Variants in RNF152 observed in about 807,000 individuals in gnomAD.
RNF152 encodes E3 ubiquitin-protein ligase RNF152.
A neutral mutation model predicts 12.7 loss-of-function variants in RNF152; 11 were observed. The ratio of observed to expected loss-of-function variants is 0.86; its 90% CI spans 0.54 to 1.43. The LOEUF (loss-of-function observed/expected upper bound fraction) is 1.43, where lower values mean the gene tolerates loss of function less well. RNF152 is among the 40% of genes most tolerant of loss of function. The pLI is 0.00. For missense variants in RNF152, 255 were observed against 274.8 expected (o/e 0.93, Z 0.51); for synonymous variants, 113 against 120.3 (o/e 0.94, Z 0.40).
In RNF152 at chr18:61,816,232, C is replaced by A; in HGVS notation, c.232G>T (p.Val78Phe). 1 of 1,614,222 alleles carries A rather than the reference C, an allele frequency of 6.2e-7. No individual in the cohort carries two copies. The highest frequency in any genetic ancestry group is 8.5e-7 in the Non-Finnish European group (1 of 1,180,034). ...TCGGAAGTGTGTGGAATGGCGATGA[C>A]AGCCAGGACCTCCGGGTCGTCCGGG... ...QLPDDPEVLAVIAIPHTSEHT... is the reference protein window; with the variant it reads ...QLPDDPEVLAFIAIPHTSEHT... Residue 78 changes from valine to phenylalanine, a missense_variant, in exon 2 of 2, where the codon GTC becomes TTC. By Grantham distance (50) the Val-to-Phe change is conservative. Coordinates refer to ENST00000312828, the MANE Select transcript of RNF152 (RefSeq NM_173557.3).
intron 1 of RNF152, among the ~76,000 whole-genome samples, chr18:61,891,603 T>C (rs1599334249): frequency 6.6e-6 from 1 of 152,316 alleles, no homozygotes; most frequent in East Asian, 1.9e-4. Context: ...CATCTGATCT[T>C]TGCAAAGCAC....
At chr18:61,875,327 T>G (rs1201409234) in intron 1 of RNF152, among the ~76,000 whole-genome samples, 1 of 152,240 alleles carries the variant, frequency 6.6e-6, no homozygotes, top group Non-Finnish European at 1.5e-5. Context: ...TAAATCCAGT[T>G]GAAATCATAA....
chr18:61,861,775 A>G (rs1911496878), intron 1 of RNF152, among the ~76,000 whole-genome samples: 1 of 152,138 alleles, frequency 6.6e-6, no homozygotes, highest in South Asian at 2.1e-4. Flanking sequence ...GTGAGAGAGG[A>G]AGCAAGGGTG....
chr18:61,821,488 T>A (rs1298077459), intron 1 of RNF152, among the ~76,000 whole-genome samples: 1 of 152,236 alleles, frequency 6.6e-6, no homozygotes, highest in Non-Finnish European at 1.5e-5. Flanking sequence ...GATGGATCAT[T>A]CTTTCCCCCT....
upstream of RNF152, chr18:61,894,079 C>T (rs8096049): frequency 0.66 from 100,768 of 151,986 alleles, 34,343 homozygotes; most frequent in African/African-American, 0.82. This position sits in a 1 kb window ranked among gnomAD's most constrained non-coding sequence, Gnocchi z 4.9. Flanking sequence ...GCGCAGACAT[C>T]CCTGCGCACC....
chr18:61,882,115 G>T (rs1912490511), intron 1 of RNF152, among the ~76,000 whole-genome samples: 2 of 152,310 alleles, frequency 1.3e-5, no homozygotes, highest in South Asian at 4.1e-4. Context: ...AATTCTCATT[G>T]GAGAATTTTG....
chr18:61,873,429 C>A (rs1017129250), intron 1 of RNF152, among the ~76,000 whole-genome samples: 2 of 152,190 alleles, frequency 1.3e-5, no homozygotes, highest in African/African-American at 4.8e-5. Context: ...CCTCTGCCTC[C>A]TGGGTTCAAG....
In RNF152 at chr18:61,809,854, C is replaced by T. The variant is rs988228533; in HGVS notation, c.*5998G>A. Reference sequence around the variant, plus strand: ...AGTGGGATACCCCAGGCAGTGAATCCTGAAAAAAAAAAAAAAAAAAAAAGT... The same window carrying T: ...AGTGGGATACCCCAGGCAGTGAATCTTGAAAAAAAAAAAAAAAAAAAAAGT... On this transcript the variant is annotated 3_prime_UTR_variant, in exon 2 of 2. Transcript: ENST00000312828. 2.1e-5 allele frequency: 2 copies of T among 96,092 alleles called. No individual in the cohort carries two copies. Among genetic ancestry groups the T allele is most frequent in the African/African-American group, 8.4e-5 (2 of 23,768 alleles). The allele number at this position is 96,092 out of a possible 1,614,324, so 6.0% of individuals were successfully genotyped here. A position where few individuals can be genotyped will look rare whatever the true frequency, so the allele number is the denominator to read the frequency against.
At chr18:61,879,625 A>G (rs1912370005) in intron 1 of RNF152, among the ~76,000 whole-genome samples, 1 of 152,170 alleles carries the variant, frequency 6.6e-6, no homozygotes, top group Non-Finnish European at 1.5e-5. Context: ...ACTTTCTGGT[A>G]TGGGGTCAGG....
At chr18:61,853,360 G>A (rs1388786450) in intron 1 of RNF152, among the ~76,000 whole-genome samples, 3 of 145,450 alleles carry the variant, frequency 2.1e-5, no homozygotes, top group African/African-American at 7.6e-5. Flanking sequence ...CACGATCACA[G>A]CTCACTGCAA....
chr18:61,851,090 TAA>T (rs529714042), intron 1 of RNF152, among the ~76,000 whole-genome samples: 8 of 126,342 alleles, frequency 6.3e-5, no homozygotes, highest in Non-Finnish European at 5.1e-5. Flanking sequence ...CCACAATGAT[TAA>T]AAAAAAAAAA....
chr18:61,852,256 T>G (rs4940531), intron 1 of RNF152, among the ~76,000 whole-genome samples: 72,372 of 152,068 alleles, frequency 0.48, 17,511 homozygotes, highest in African/African-American at 0.52. Context: ...CAAGGGACTT[T>G]CCCATTTGAG....
intron 1 of RNF152, among the ~76,000 whole-genome samples, chr18:61,844,110 GAAAGAAA>G (rs1910615846): frequency 7.3e-6 from 1 of 136,932 alleles, no homozygotes; most frequent in African/African-American, 2.7e-5. Context: ...AAGAAAGAAA[GAAAGAAA>G]GAAAGAAAGA....
rs1250031509 is a variant in RNF152 at position 61,811,328 on chromosome 18, C to T, written c.*4524G>A. ...GTCTTTATAGGAAATATATCTCAAA[C>T]TGAATTTTCTGCTTCCTTTTATTTA... On this transcript the variant is annotated 3_prime_UTR_variant, in exon 2 of 2. Transcript: ENST00000312828. 6.6e-6 allele frequency: 1 copy of T among 152,144 alleles called. No individual in the cohort carries two copies. Among genetic ancestry groups the T allele is most frequent in the Non-Finnish European group, 1.5e-5 (1 of 68,028 alleles). 9.4% of individuals were successfully genotyped at this position (152,144 alleles called of 1,614,324 possible).
rs570489143 is a variant in RNF152 at position 61,843,476 on chromosome 18, G to C, written c.-135-26878C>G. On this transcript the variant is annotated intron_variant, in intron 1 of 1. Coordinates refer to ENST00000312828, the MANE Select transcript of RNF152 (RefSeq NM_173557.3). ...TATTTACCCTAAAAAATTGAAAGCA[G>C]GGTCTTGATGAGATATTTCTACATC... Among the ~76,000 whole-genome samples the C allele has an allele frequency of 1.9e-3, 293 of 152,302 alleles. 1 individual carries two copies. The highest frequency in any genetic ancestry group is 6.8e-3 in the African/African-American group (284 of 41,562).
intron 1 of RNF152, among the ~76,000 whole-genome samples, chr18:61,818,080 T>TC (rs1011605108): frequency 8.5e-5 from 13 of 152,086 alleles, no homozygotes; most frequent in Admixed American, 8.5e-4. Context: ...AAGAAAGCAC[T>TC]CCCCCATCAT....
At chr18:61,848,250 C>T (rs1015649161) in intron 1 of RNF152, among the ~76,000 whole-genome samples, 2 of 152,088 alleles carry the variant, frequency 1.3e-5, no homozygotes, top group Non-Finnish European at 2.9e-5. Context: ...CTCCCTCTCC[C>T]TCTCTCTCTG....
At chr18:61,850,221 C>T (rs1172885614) in intron 1 of RNF152, among the ~76,000 whole-genome samples, 1 of 152,202 alleles carries the variant, frequency 6.6e-6, no homozygotes, top group East Asian at 1.9e-4. Flanking sequence ...TGCCCCTTGT[C>T]AGTAAAGTGT....
intron 1 of RNF152, among the ~76,000 whole-genome samples, chr18:61,844,242 G>C (rs924259524): frequency 5.4e-5 from 8 of 148,638 alleles, no homozygotes; most frequent in African/African-American, 1.8e-4. Flanking sequence ...GGGAGGGGAG[G>C]GGAGGGCAGG....
Sources: gnomAD v4.1 joint callset for allele counts (sites outside exome capture counted in the v4.1 genomes callset) on GRCh38, gnomAD v4.1.1 for gene constraint, Gnocchi (gnomAD v3.1) non-coding constraint, MANE v1.5 for transcripts, NCBI Gene and HGNC (gene_info 2026-07-23, HGNC 2026-07-21) for gene names.